Variants in CD9 observed in about 807,000 individuals in gnomAD.
CD9 encodes the protein CD9 antigen.
In CD9, 10 loss-of-function variants were observed where a neutral mutation model predicts 31.4. The ratio of observed to expected loss-of-function variants is 0.32; its 90% confidence interval spans 0.20 to 0.54. The LOEUF is 0.54. Ranked by LOEUF, CD9 falls within the 20% of genes least tolerant of loss-of-function variation. CD9 has a pLI of 0.94. For missense variants in CD9, 259 were observed against 300.1 expected (o/e 0.86, Z 1.01); for synonymous variants, 113 against 114.1 (o/e 0.99, Z 0.06).
At chr12:6,214,065 C>T (rs1419451719) in intron 1 of CD9, among the ~76,000 whole-genome samples, 1 of 152,150 alleles carries the variant, frequency 6.6e-6, no homozygotes, top group Non-Finnish European at 1.5e-5. Flanking sequence ...CACCGTGCAT[C>T]GAGAAGAGCA....
chr12:6,223,540 C>T (rs1041434606), intron 1 of CD9, among the ~76,000 whole-genome samples: 1 of 152,198 alleles, frequency 6.6e-6, no homozygotes, highest in East Asian at 1.9e-4. Flanking sequence ...GGATTACAGG[C>T]GTGAGCCACT....
chr12:6,220,311 T>C (rs1005899546), intron 1 of CD9, among the ~76,000 whole-genome samples: 9 of 152,138 alleles, frequency 5.9e-5, no homozygotes, highest in Non-Finnish European at 1.2e-4. Flanking sequence ...AGATTGCATC[T>C]AAGGAGCAGA....
chr12:6,206,733 G>T (rs979708956), intron 1 of CD9, among the ~76,000 whole-genome samples: 1 of 151,854 alleles, frequency 6.6e-6, no homozygotes, highest in African/African-American at 2.4e-5. Flanking sequence ...TCCTCCCCCC[G>T]CCTCTCCAAA....
intron 1 of CD9, among the ~76,000 whole-genome samples, chr12:6,217,445 C>T (rs567095132): frequency 1.3e-5 from 2 of 152,210 alleles, no homozygotes; most frequent in African/African-American, 2.4e-5. Context: ...GTAGGAGGAT[C>T]GCTTGAGCCC....
At chr12:6,210,461 T>A (rs932507203) in intron 1 of CD9, among the ~76,000 whole-genome samples, 3 of 152,188 alleles carry the variant, frequency 2.0e-5, no homozygotes, top group African/African-American at 4.8e-5. Context: ...CTGTTTTTTT[T>A]AGACTCTCTT....
In CD9 at chr12:6,223,377, T is replaced by A. The variant is rs1039146019; in HGVS notation, c.67-2049T>A. Among the ~76,000 whole-genome samples, 6 of 151,852 alleles carry A rather than the reference T, an allele frequency of 4.0e-5. No individual in the cohort carries two copies. In the East Asian group the frequency reaches 7.8e-4, roughly 20 times the overall value. ...CCCGGGCTCACGCCATTCTCCTGCC[T>A]CAGCCTCTGGAGTAGCTGGGACTAC... On this transcript the variant is annotated intron_variant, in intron 1 of 7. Transcript: ENST00000009180.
chr12:6,235,417 T>G, intron 5 of CD9, 59 bp from the exon 6 acceptor site: 1 of 1,613,732 alleles, frequency 6.2e-7, no homozygotes, highest in Non-Finnish European at 8.5e-7. Context: ...AGTGCAAACA[T>G]TCTAATCGTC....
chr12:6,216,029 CAG>C (rs1946239360), intron 1 of CD9, among the ~76,000 whole-genome samples: 1 of 152,142 alleles, frequency 6.6e-6, no homozygotes, highest in African/African-American at 2.4e-5. Flanking sequence ...GAGGAGGACA[CAG>C]AGAGGGTTGG....
intron 4 of CD9, among the ~76,000 whole-genome samples, 195 bp downstream of exon 4, chr12:6,233,681 C>T (rs750205285): frequency 3.9e-5 from 6 of 152,058 alleles, no homozygotes; most frequent in Non-Finnish European, 5.9e-5. Context: ...CTGTCCTGTC[C>T]GAGATTGTGC....
At chr12:6,221,197 G>A (rs1043572449) in intron 1 of CD9, among the ~76,000 whole-genome samples, 1 of 152,172 alleles carries the variant, frequency 6.6e-6, no homozygotes, top group East Asian at 1.9e-4. Flanking sequence ...CTCTCAAAGG[G>A]ATGGAACCAT....
intron 1 of CD9, among the ~76,000 whole-genome samples, chr12:6,219,413 C>G (rs1010708123): frequency 6.6e-6 from 1 of 152,172 alleles, no homozygotes; most frequent in Non-Finnish European, 1.5e-5. Flanking sequence ...TTGTCATTCC[C>G]CAAATATTCC....
chr12:6,233,180 T>G, intron 3 of CD9: 1 of 648,044 alleles, frequency 1.5e-6, no homozygotes, highest in South Asian at 1.8e-5. Flanking sequence ...GGCTCAGCTG[T>G]GCTCAGCTCT....
chr12:6,233,015 C>T (rs1425596646), intron 3 of CD9: 1 of 702,264 alleles, frequency 1.4e-6, no homozygotes, highest in African/African-American at 1.7e-5. Context: ...GGTACCTTTG[C>T]CTTCTCCTTC....
chr12:6,218,989 A>G (rs1473725963), intron 1 of CD9, among the ~76,000 whole-genome samples: 4 of 152,194 alleles, frequency 2.6e-5, no homozygotes, highest in African/African-American at 7.2e-5. Flanking sequence ...GAGGACAGCA[A>G]TGCATGGGTT....
intron 6 of CD9, chr12:6,235,903 G>C (rs1946514764): frequency 7.3e-7 from 1 of 1,376,960 alleles, no homozygotes; most frequent in Admixed American, 3.3e-5. Flanking sequence ...TCCAACTCCA[G>C]AATAGTAAAA....
chr12:6,233,133 C>G lies in CD9; in HGVS notation c.274-279C>G. The G allele has an allele frequency of 1.9e-5, 13 of 691,900 alleles. No homozygotes were observed. In the South Asian group the frequency reaches 2.0e-4, roughly 11 times the overall value. The allele number at this position is 691,900 out of a possible 1,614,324, so 42.9% of individuals were successfully genotyped here. The stretch of plus-strand genomic sequence containing the variant: ...GTGAACAATAGTAGTTGCCTGCTCA[C>G]TGACTCTTAACTAACGCCTTGTAAA... On this transcript the variant is annotated intron_variant, in intron 3 of 7. Coordinates refer to ENST00000009180, the MANE Select transcript of CD9 (RefSeq NM_001769.4).
In CD9 at chr12:6,232,696, G is replaced by T; in HGVS notation, c.240G>T (p.Gly80=). 1 of 1,575,360 alleles carries T rather than the reference G, an allele frequency of 6.3e-7. No individual in the cohort carries two copies. Among genetic ancestry groups the T allele is most frequent in the Non-Finnish European group, 8.6e-7 (1 of 1,164,472 alleles). Reference sequence around the variant, plus strand: ...TGGTGGGCTTCCTGGGCTGCTGCGGGGCTGTGCAGGAGTCCCAGTGCATGC... The same window carrying T: ...TGGTGGGCTTCCTGGGCTGCTGCGGTGCTGTGCAGGAGTCCCAGTGCATGC... ...MMLVGFLGCC[G]AVQESQCMLG... is the part of the protein sequence containing the mutation. The change falls in exon 3 of 8, where the codon GGG becomes GGT. Residue 80 remains glycine, a synonymous_variant. Transcript: ENST00000009180. The surrounding 1 kb of genome is among the most constrained non-coding windows in gnomAD (Gnocchi z 4.8).
upstream of CD9, chr12:6,200,279 G>T: frequency 3.7e-6 from 1 of 267,958 alleles, no homozygotes; most frequent in Non-Finnish European, 7.0e-6. Context: ...GGGGCCGGTG[G>T]GGCGGGAGGC....
At chr12:6,200,757 C>G in intron 1 of CD9, 192 bp downstream of exon 1, 1 of 471,026 alleles carries the variant, frequency 2.1e-6, no homozygotes. Context: ...ACGGCCGCGA[C>G]GGGCGCATTC....
Sources: gnomAD v4.1 joint callset for allele counts (sites outside exome capture counted in the v4.1 genomes callset) on GRCh38, gnomAD v4.1.1 for gene constraint, Gnocchi (gnomAD v3.1) non-coding constraint, MANE v1.5 for transcripts, NCBI Gene and HGNC (gene_info 2026-07-23, HGNC 2026-07-21) for gene names.